The following EIF4G3 variants were observed in gnomAD, a reference collection of about 807,000 sequenced individuals.
The protein encoded by EIF4G3 is eIF-4-gamma 3.
Under a neutral mutation model 186.4 loss-of-function variants are expected in EIF4G3, and 34 were observed. The ratio of observed to expected loss-of-function variants is 0.18; its 90% CI spans 0.14 to 0.24. The LOEUF (loss-of-function observed/expected upper bound fraction) is 0.24. EIF4G3 is among the 10% of genes least tolerant of loss of function. The pLI, the probability that EIF4G3 is intolerant of heterozygous loss-of-function variation, is 1.00. For missense variants in EIF4G3, 1,536 were observed against 1,948.5 expected, an observed-to-expected ratio of 0.79 and a Z score of 3.99; for synonymous variants, 673 against 679.5, an observed-to-expected ratio of 0.99 and a Z score of 0.15.
chr1:20,852,366 A>C (rs1177186481), intron 27 of EIF4G3, among the ~76,000 whole-genome samples: 1 of 151,050 alleles, frequency 6.6e-6, no homozygotes, highest in Admixed American at 6.6e-5. Context: ...GACAATGATA[A>C]AGTATGAGTT....
intron 3 of EIF4G3, among the ~76,000 whole-genome samples, chr1:21,062,246 G>A (rs557102870): frequency 6.6e-6 from 1 of 151,888 alleles, no homozygotes; most frequent in Non-Finnish European, 1.5e-5. Context: ...TTTTTGGTGA[G>A]ACAGGGCCTC....
intron 18 of EIF4G3, 31 bp downstream of exon 18, chr1:20,893,482 TCTAA>T (rs766617809): frequency 8.3e-6 from 13 of 1,562,046 alleles, no homozygotes; most frequent in South Asian, 2.3e-5. Context: ...TGTGCCAGTG[TCTAA>T]CTAAGTGAGT....
At chr1:21,119,969 A>G (rs2096898091) in intron 2 of EIF4G3, among the ~76,000 whole-genome samples, 1 of 151,962 alleles carries the variant, frequency 6.6e-6, no homozygotes, top group African/African-American at 2.4e-5. Context: ...CTATAGGTAT[A>G]AAAATAAAAT....
intron 14 of EIF4G3, among the ~76,000 whole-genome samples, chr1:20,916,586 GA>G (rs1244798951): frequency 1.3e-5 from 2 of 151,364 alleles, no homozygotes; most frequent in Non-Finnish European, 2.9e-5. Context: ...TTTTTTGCAG[GA>G]AAAAATATAG....
chr1:21,139,581 A>C (rs949572518), intron 2 of EIF4G3, among the ~76,000 whole-genome samples: 3 of 152,250 alleles, frequency 2.0e-5, no homozygotes, highest in African/African-American at 7.2e-5. Context: ...AATATCCTTT[A>C]TATTATATGC....
intron 2 of EIF4G3, among the ~76,000 whole-genome samples, chr1:21,142,865 G>A (rs1396633426): frequency 6.6e-6 from 1 of 152,136 alleles, no homozygotes; most frequent in Non-Finnish European, 1.5e-5. Flanking sequence ...AAATTAAGCA[G>A]CATCCATAAG....
intron 2 of EIF4G3, among the ~76,000 whole-genome samples, chr1:21,134,005 T>C (rs563495707): frequency 1.5e-4 from 23 of 152,240 alleles, no homozygotes; most frequent in Non-Finnish European, 3.2e-4. Flanking sequence ...GCTGCTTCTA[T>C]GCTTACGCCT....
chr1:21,131,125 A>G lies in EIF4G3; in HGVS notation c.-271-41912T>C, dbSNP rs575748804. Among the ~76,000 whole-genome samples, 6 of 152,024 alleles carry G rather than the reference A, an allele frequency of 3.9e-5. No homozygotes were observed. In the South Asian group the frequency reaches 1.2e-3, roughly 32 times the overall value. On this transcript the variant is annotated intron_variant, in intron 2 of 36. Transcript: ENST00000602326. ...CATGCTGGTGCGCGCCTGTAATCCC[A>G]GCTACTCAGGAGGCTGAGTCACAAG...
chr1:21,051,033 G>A, intron 3 of EIF4G3, 39 bp from the exon 4 acceptor site: 1 of 713,904 alleles, frequency 1.4e-6, no homozygotes, highest in Non-Finnish European at 2.6e-6. Context: ...CATTATATTA[G>A]TAAATCAATC....
intron 23 of EIF4G3, 64 bp downstream of exon 23, chr1:20,862,164 C>A: frequency 1.0e-6 from 1 of 999,106 alleles, no homozygotes; most frequent in Non-Finnish European, 1.5e-6. Context: ...GACATCCTTC[C>A]CCAACCCAAT....
intron 30 of EIF4G3, among the ~76,000 whole-genome samples, chr1:20,837,217 C>CTT: frequency 6.8e-6 from 1 of 146,994 alleles, no homozygotes; most frequent in African/African-American, 2.5e-5. Context: ...TTCTGCTTTT[C>CTT]TTTTTTTTTT....
At chr1:21,133,520 C>A (rs566320957) in intron 2 of EIF4G3, among the ~76,000 whole-genome samples, 1 of 152,298 alleles carries the variant, frequency 6.6e-6, no homozygotes, top group Admixed American at 6.5e-5. Flanking sequence ...CCACCGCGCC[C>A]AGCCTAAGCC....
intron 12 of EIF4G3, among the ~76,000 whole-genome samples, chr1:20,967,242 G>A (rs998999178): frequency 6.6e-6 from 1 of 152,134 alleles, no homozygotes; most frequent in Non-Finnish European, 1.5e-5. Context: ...TGTCCAAATT[G>A]AGAATTTAAA....
At chr1:20,925,755 C>G (rs777090765) in intron 14 of EIF4G3, among the ~76,000 whole-genome samples, 1 of 152,200 alleles carries the variant, frequency 6.6e-6, no homozygotes, top group Non-Finnish European at 1.5e-5. Flanking sequence ...TGATCATGAA[C>G]TCTGGGCCTC....
At chr1:21,116,959 T>C (rs1053839077) in intron 2 of EIF4G3, among the ~76,000 whole-genome samples, 3 of 152,036 alleles carry the variant, frequency 2.0e-5, no homozygotes, top group Non-Finnish European at 2.9e-5. Context: ...ATCACTTGCA[T>C]AAAAAAATGA....
intron 2 of EIF4G3, among the ~76,000 whole-genome samples, chr1:21,146,487 G>A (rs1194327575): frequency 2.6e-5 from 4 of 152,170 alleles, no homozygotes; most frequent in Non-Finnish European, 4.4e-5. Context: ...TTGGCTGGGC[G>A]GGGTGGCTCA....
At chr1:21,140,902 C>G (rs2097325816) in intron 2 of EIF4G3, among the ~76,000 whole-genome samples, 1 of 152,076 alleles carries the variant, frequency 6.6e-6, no homozygotes, top group Non-Finnish European at 1.5e-5. Flanking sequence ...TTGAAAACAT[C>G]TAAGGGAAAA....
At chr1:20,984,524 G>A (rs1475082869) in intron 7 of EIF4G3, among the ~76,000 whole-genome samples, 2 of 148,868 alleles carry the variant, frequency 1.3e-5, no homozygotes, top group Non-Finnish European at 3.0e-5. Flanking sequence ...AAATGTATTT[G>A]TAAAGCACCA....
At chr1:21,047,163 T>G (rs1436672188) in intron 4 of EIF4G3, among the ~76,000 whole-genome samples, 1 of 152,178 alleles carries the variant, frequency 6.6e-6, no homozygotes, top group Non-Finnish European at 1.5e-5. Context: ...AAGCCTATAA[T>G]CCCTTCCCCT....
Sources: allele counts gnomAD v4.1 joint callset (sites outside exome capture counted in the v4.1 genomes callset), GRCh38; gene constraint gnomAD v4.1.1; transcripts MANE v1.5; gene names NCBI Gene and HGNC (gene_info 2026-07-23, HGNC 2026-07-21).